Variants in BRMS1L observed in about 807,000 individuals in gnomAD.
The protein encoded by BRMS1L is BRMS1 like transcriptional repressor.
In BRMS1L, 23 loss-of-function variants were observed where a neutral mutation model predicts 50.3. The observed-to-expected ratio is 0.46, with a 90% CI of 0.33 to 0.65. The LOEUF (loss-of-function observed/expected upper bound fraction) is 0.65. BRMS1L is among the 30% of genes least tolerant of loss of function. The probability of loss-of-function intolerance (pLI) is 0.02; values close to 1 mark genes in which losing one functional copy is unlikely to be tolerated. For missense variants in BRMS1L, 286 were observed against 386.1 expected, an observed-to-expected ratio of 0.74 and a Z score of 2.17; for synonymous variants, 114 against 126.9, an observed-to-expected ratio of 0.90 and a Z score of 0.69.
chr14:35,865,153 G>T (rs2078405159), intron 7 of BRMS1L, among the ~76,000 whole-genome samples, 154 bp downstream of exon 7: 1 of 152,172 alleles, frequency 6.6e-6, no homozygotes, highest in Non-Finnish European at 1.5e-5. Context: ...ACAGATAGCA[G>T]TGAACTACAA....
intron 8 of BRMS1L, among the ~76,000 whole-genome samples, chr14:35,867,622 A>G (rs2078438493): frequency 6.6e-6 from 1 of 152,242 alleles, no homozygotes; most frequent in Admixed American, 6.5e-5. Context: ...AATTCACACT[A>G]GTAATTGATA....
chr14:35,830,299 C>T (rs1479769753), intron 1 of BRMS1L, among the ~76,000 whole-genome samples: 1 of 152,116 alleles, frequency 6.6e-6, no homozygotes, highest in African/African-American at 2.4e-5. Flanking sequence ...GAACTCCTGA[C>T]CTCAGGTGAT....
chr14:35,841,590 C>T (rs2078064462), intron 4 of BRMS1L, among the ~76,000 whole-genome samples: 1 of 152,126 alleles, frequency 6.6e-6, no homozygotes. Flanking sequence ...AGCCACCGTG[C>T]CTGGGCTATG....
chr14:35,862,571 A>G lies in BRMS1L; in HGVS notation c.442-19A>G, dbSNP rs778850824. Reference sequence around the variant, plus strand: ...AATTTTTTTCTTTCTACTTAAGTATAATCTGTTTTTCTCCCCAGAGCGAAA... The same window carrying G: ...AATTTTTTTCTTTCTACTTAAGTATGATCTGTTTTTCTCCCCAGAGCGAAA... On this transcript the variant is annotated intron_variant, in intron 4 of 9. Coordinates refer to ENST00000216807, the MANE Select transcript of BRMS1L (RefSeq NM_032352.4). 1.3e-5 allele frequency: 20 copies of G among 1,539,094 alleles called. No homozygotes were observed. Among genetic ancestry groups the G allele is most frequent in the Non-Finnish European group, 1.8e-5 (20 of 1,139,146 alleles).
At chr14:35,860,069 C>G (rs2078330094) in intron 4 of BRMS1L, among the ~76,000 whole-genome samples, 1 of 152,002 alleles carries the variant, frequency 6.6e-6, no homozygotes, top group Non-Finnish European at 1.5e-5. Context: ...AGTCCATTTA[C>G]TTTTATGTGT....
rs1482880257 is a variant in BRMS1L, at chr14:35,826,349, C to T, written c.-168C>T. On this transcript the variant is annotated 5_prime_UTR_variant, in exon 1 of 10. Transcript: ENST00000216807. ...CCTCCGCCAATGGCAGAGCTCCCAT[C>T]GCAGAGCCTGCGGGTTAGGTTGTGA... 1.0e-6 allele frequency: 1 copy of T among 1,001,288 alleles called. No individual in the cohort carries two copies. The highest frequency in any genetic ancestry group is 1.4e-6 in the Non-Finnish European group (1 of 694,302). The allele number at this position is 1,001,288 out of a possible 1,614,324, so 62.0% of individuals were successfully genotyped here.
intron 4 of BRMS1L, among the ~76,000 whole-genome samples, chr14:35,843,960 A>G (rs913310629): frequency 1.3e-5 from 2 of 152,146 alleles, no homozygotes; most frequent in African/African-American, 4.8e-5. Context: ...CCCAGTTGCA[A>G]CTTCCTGGTG....
intron 1 of BRMS1L, among the ~76,000 whole-genome samples, chr14:35,827,023 C>G (rs2077855571): frequency 6.6e-6 from 1 of 152,202 alleles, no homozygotes; most frequent in African/African-American, 2.4e-5. Context: ...CTTTGCAACC[C>G]TCACTTCTCA....
intron 1 of BRMS1L, among the ~76,000 whole-genome samples, chr14:35,827,221 T>C (rs1306842024): frequency 6.6e-6 from 1 of 152,342 alleles, no homozygotes; most frequent in East Asian, 1.9e-4. Flanking sequence ...ATTTTGGATC[T>C]TCATATGCTT....
intron 4 of BRMS1L, among the ~76,000 whole-genome samples, chr14:35,840,813 AT>A (rs1016780196): frequency 4.0e-5 from 6 of 151,300 alleles, no homozygotes; most frequent in Non-Finnish European, 7.4e-5. Context: ...GGATTCATTG[AT>A]TTTTTTTGAA....
intron 4 of BRMS1L, among the ~76,000 whole-genome samples, chr14:35,845,937 A>G (rs2078127774): frequency 6.6e-6 from 1 of 152,198 alleles, no homozygotes; most frequent in Admixed American, 6.5e-5. Context: ...TAATAGTGTC[A>G]TACTCAATAA....
intron 1 of BRMS1L, among the ~76,000 whole-genome samples, chr14:35,827,157 C>CAGT (rs1173012577): frequency 1.3e-5 from 2 of 152,202 alleles, no homozygotes; most frequent in Non-Finnish European, 2.9e-5. Flanking sequence ...CGGTCCCGTT[C>CAGT]AGTAGCTCCC....
chr14:35,862,109 T>C (rs1423997721), intron 4 of BRMS1L, among the ~76,000 whole-genome samples: 1 of 152,208 alleles, frequency 6.6e-6, no homozygotes, highest in Admixed American at 6.5e-5. Flanking sequence ...TAAATAATCA[T>C]AAAATTTGTA....
chr14:35,853,804 T>C (rs1470961348), intron 4 of BRMS1L, among the ~76,000 whole-genome samples: 1 of 152,152 alleles, frequency 6.6e-6, no homozygotes, highest in East Asian at 1.9e-4. Context: ...CCCTCATAAC[T>C]TTTTTGGAGG....
At position 35,834,898 on chromosome 14, in the gene BRMS1L, T is replaced by C; in HGVS notation, c.416T>C (p.Ile139Thr). 1 of 1,597,628 alleles carries C rather than the reference T, an allele frequency of 6.3e-7. No homozygotes were observed. Among genetic ancestry groups the C allele is most frequent in the Non-Finnish European group, 8.5e-7 (1 of 1,172,572 alleles). The change falls in exon 4 of 10, where the codon ATT becomes ACT. Residue 139 changes from isoleucine (I) to threonine (T), a missense_variant. This residue lies in a region of BRMS1L where 160 missense variants were observed against 240.6 expected (regional missense o/e 0.66). Coordinates refer to ENST00000216807, the MANE Select transcript of BRMS1L (RefSeq NM_032352.4). ...GTAAAGAACAAATATGAATGTGAAA[T>C]TCAAGCTTCTCGCCAGCATTGTGAG... ...ESVKNKYECE[I>T]QASRQHCESE...
intron 4 of BRMS1L, among the ~76,000 whole-genome samples, chr14:35,845,167 T>C (rs1225640777): frequency 6.6e-6 from 1 of 152,248 alleles, no homozygotes; most frequent in African/African-American, 2.4e-5. Flanking sequence ...TAATGTCATT[T>C]GTGAATAATA....
intron 4 of BRMS1L, among the ~76,000 whole-genome samples, chr14:35,857,704 C>T (rs1308900801): frequency 6.6e-6 from 1 of 152,008 alleles, no homozygotes; most frequent in African/African-American, 2.4e-5. Flanking sequence ...TTTCATTCTT[C>T]TAATACTGTT....
At chr14:35,864,851 G>C in intron 6 of BRMS1L, 84 bp from the exon 7 acceptor site, 1 of 976,444 alleles carries the variant, frequency 1.0e-6, no homozygotes, top group East Asian at 2.6e-5. Context: ...ATAAATCATC[G>C]TTCCATTTTC....
At chr14:35,839,771 G>T (rs2078038363) in intron 4 of BRMS1L, among the ~76,000 whole-genome samples, 2 of 152,154 alleles carry the variant, frequency 1.3e-5, no homozygotes, top group South Asian at 4.1e-4. Context: ...GAGATTTTGG[G>T]CTGAGACGAT....
Sources: gnomAD v4.1 joint callset for allele counts (sites outside exome capture counted in the v4.1 genomes callset) on GRCh38, gnomAD v4.1.1 for gene constraint, gnomAD v4.1.1 regional missense constraint, MANE v1.5 for transcripts, NCBI Gene and HGNC (gene_info 2026-07-23, HGNC 2026-07-21) for gene names.